Variants in SPART observed in about 807,000 individuals in gnomAD.
The protein encoded by SPART is spartin.
In SPART, 35 loss-of-function variants were observed where a neutral mutation model predicts 58.7. The ratio of observed to expected loss-of-function variants is 0.60; its 90% CI spans 0.46 to 0.79. The LOEUF (loss-of-function observed/expected upper bound fraction) is 0.79, where lower values mean the gene tolerates loss of function less well. SPART is among the 30% of genes least tolerant of loss of function. The pLI, the probability that SPART is intolerant of heterozygous loss-of-function variation, is 0.00. For synonymous variants in SPART, 284 were observed against 280.7 expected (o/e 1.01, Z -0.12); for missense variants, 730 against 786.1 (o/e 0.93, Z 0.85).
chr13:36,328,694 T>C (rs1020404124), intron 4 of SPART, among the ~76,000 whole-genome samples: 3 of 152,150 alleles, frequency 2.0e-5, no homozygotes, highest in African/African-American at 7.2e-5. Flanking sequence ...CTAATCCAAA[T>C]TTACCAGTTA....
Position 36,304,237 on chromosome 13 carries a change from A to T in SPART, c.*128T>A, listed in dbSNP as rs1880254990. On this transcript the variant is annotated 3_prime_UTR_variant, in exon 9 of 9. Coordinates refer to ENST00000438666, the MANE Select transcript of SPART (RefSeq NM_015087.5). ...AGAAGACATGCCATAAAATTTATGAAAGTTAATTTGTAGGAATGAATACAT... is the reference window on the plus strand; with the variant it reads ...AGAAGACATGCCATAAAATTTATGATAGTTAATTTGTAGGAATGAATACAT... 1 of 1,134,978 alleles carries T rather than the reference A, an allele frequency of 8.8e-7. No homozygotes were observed. Among genetic ancestry groups the T allele is most frequent in the Non-Finnish European group, 1.3e-6 (1 of 773,384 alleles). The allele number at this position is 1,134,978 out of a possible 1,614,324, so 70.3% of individuals were successfully genotyped here. A position where few individuals can be genotyped will look rare whatever the true frequency, so the allele number is the denominator to read the frequency against.
At chr13:36,363,375 C>G (rs1175045400) in intron 1 of SPART, among the ~76,000 whole-genome samples, 2 of 151,194 alleles carry the variant, frequency 1.3e-5, no homozygotes, top group African/African-American at 4.9e-5. Context: ...CTCTCTCTGT[C>G]CCTCTTTTTG....
At chr13:36,363,664 C>G (rs542795213) in intron 1 of SPART, among the ~76,000 whole-genome samples, 17 of 152,194 alleles carry the variant, frequency 1.1e-4, no homozygotes, top group Admixed American at 7.2e-4. Flanking sequence ...TGTCAGCACT[C>G]AGTATTTAAT....
intron 1 of SPART, among the ~76,000 whole-genome samples, chr13:36,340,304 A>G (rs2137605215): frequency 6.6e-6 from 1 of 151,836 alleles, no homozygotes; most frequent in South Asian, 2.1e-4. Context: ...CGGACCTTGC[A>G]GTGAGCCGAG....
At chr13:36,311,154 C>T (rs1308453127) in intron 8 of SPART, among the ~76,000 whole-genome samples, 1 of 152,148 alleles carries the variant, frequency 6.6e-6, no homozygotes, top group Non-Finnish European at 1.5e-5. Context: ...GAGAGGGACA[C>T]CTGGTCATGG....
At chr13:36,354,709 A>T (rs2137701108) in intron 1 of SPART, among the ~76,000 whole-genome samples, 1 of 152,316 alleles carries the variant, frequency 6.6e-6, no homozygotes, top group East Asian at 1.9e-4. Flanking sequence ...AATAAACCAG[A>T]ACTGTGGGTA....
intron 1 of SPART, among the ~76,000 whole-genome samples, chr13:36,352,823 G>A (rs1221167006): frequency 6.6e-6 from 1 of 151,788 alleles, no homozygotes; most frequent in African/African-American, 2.4e-5. Context: ...AGCCAGGCAT[G>A]GTGGCACACA....
At position 36,363,349 on chromosome 13, in the gene SPART, G is replaced by T. The variant is rs867103248; in HGVS notation, c.-3+6740C>A. 3.1e-4 allele frequency among the ~76,000 whole-genome samples: 46 copies of T among 149,740 alleles called. 1 individual carries two copies. In the Middle Eastern group the frequency reaches 0.01, roughly 34 times the overall value. ...ATAAATCAGGTGTTGAGTTAAATAA[G>T]CATCTCTCTCTCTCTCTCTCTCTGT... On this transcript the variant is annotated intron_variant, in intron 1 of 8. Coordinates refer to the SPART transcript ENST00000355182.
rs757476233 is a variant in SPART, at chr13:36,304,543, C to T, written c.1823G>A (p.Gly608Asp). The T allele has an allele frequency of 1.6e-5, 26 of 1,613,930 alleles. No homozygotes were observed. In the Middle Eastern group the frequency reaches 8.2e-4, roughly 51 times the overall value. Residue 608 changes from glycine to aspartate, a missense_variant, in exon 9 of 9, where the codon GGT becomes GAT. Coordinates refer to ENST00000438666, the MANE Select transcript of SPART (RefSeq NM_015087.5). Reference sequence around the variant, plus strand: ...AGTTTTCTTCACCATTGCTTTGATACCAATGTTGTTAATATTGTAGGCAGT... The same window carrying T: ...AGTTTTCTTCACCATTGCTTTGATATCAATGTTGTTAATATTGTAGGCAGT... ...GVTAYNINNI[G>D]IKAMVKKTAT...
chr13:36,367,030 G>A (rs908372698), intron 1 of SPART, among the ~76,000 whole-genome samples: 1 of 152,182 alleles, frequency 6.6e-6, no homozygotes, highest in Non-Finnish European at 1.5e-5. Flanking sequence ...TTTTCGGCCG[G>A]AAGTAGCCGG....
chr13:36,320,489 C>G (rs1239891486), intron 5 of SPART, among the ~76,000 whole-genome samples: 1 of 152,146 alleles, frequency 6.6e-6, no homozygotes, highest in African/African-American at 2.4e-5. Context: ...TGCTATAGTA[C>G]AAGCCACTAG....
intron 1 of SPART, among the ~76,000 whole-genome samples, chr13:36,359,934 A>AAAAAAC (rs1555266115): frequency 2.6e-5 from 4 of 151,076 alleles, no homozygotes; most frequent in Non-Finnish European, 4.4e-5. Context: ...AAAAAAAAAA[A>AAAAAAC]AAAAAAAACA....
At chr13:36,348,824 T>C (rs1056921437), upstream of SPART, among the ~76,000 whole-genome samples, 1 of 152,172 alleles carries the variant, frequency 6.6e-6, no homozygotes, top group African/African-American at 2.4e-5. Context: ...AATGACTTTT[T>C]TGCAGAATTT....
intron 1 of SPART, 44 bp from the exon 2 acceptor site, chr13:36,335,876 T>C (rs764901991): frequency 1.3e-5 from 19 of 1,474,446 alleles, no homozygotes; most frequent in Non-Finnish European, 1.6e-5. Flanking sequence ...TTAGCTATTG[T>C]TTACTTATGA....
At chr13:36,325,618 CAG>C (rs1391942656) in intron 5 of SPART, among the ~76,000 whole-genome samples, 3 of 152,034 alleles carry the variant, frequency 2.0e-5, no homozygotes, top group African/African-American at 7.2e-5. Flanking sequence ...AGGTATAAAT[CAG>C]AGAGTTACTA....
In SPART at chr13:36,331,489, A is replaced by G; in HGVS notation, c.918T>C (p.Phe306=). 6.2e-7 allele frequency: 1 copy of G among 1,614,088 alleles called. No homozygotes were observed. The highest frequency in any genetic ancestry group is 1.3e-5 in the African/African-American group (1 of 75,024). ...PDTMLQAAGC[F]VGVVLSSELP... is the part of the protein sequence containing the mutation. Reference sequence around the variant, plus strand: ...ACTCAGAGGACAGGACGACCCCCACAAAGCATCCTGCTGCTTGTAGCATTG... The same window carrying G: ...ACTCAGAGGACAGGACGACCCCCACGAAGCATCCTGCTGCTTGTAGCATTG... Residue 306 remains phenylalanine, a synonymous_variant, in exon 3 of 9, where the codon TTT becomes TTC. Coordinates refer to ENST00000438666, the MANE Select transcript of SPART (RefSeq NM_015087.5).
chr13:36,313,861 C>T, intron 6 of SPART: 1 of 280,772 alleles, frequency 3.6e-6, no homozygotes, highest in Non-Finnish European at 6.8e-6. Flanking sequence ...CAATACATGA[C>T]TTTACATTCA....
At chr13:36,368,601 C>T (rs540969029) in intron 1 of SPART, among the ~76,000 whole-genome samples, 20 of 152,224 alleles carry the variant, frequency 1.3e-4, no homozygotes, top group African/African-American at 4.6e-4. Context: ...GTGAGGCTAT[C>T]AATATTATAG....
chr13:36,359,668 A>T, intron 1 of SPART, among the ~76,000 whole-genome samples: 1 of 152,114 alleles, frequency 6.6e-6, no homozygotes, highest in Non-Finnish European at 1.5e-5. Flanking sequence ...AAAGCTCTGT[A>T]CTCCACAAGA....
Sources: allele counts gnomAD v4.1 joint callset (sites outside exome capture counted in the v4.1 genomes callset), GRCh38; gene constraint gnomAD v4.1.1; transcripts MANE v1.5; gene names NCBI Gene and HGNC (gene_info 2026-07-23, HGNC 2026-07-21).